STK17A: variants seen among roughly 807,000 people sequenced by gnomAD.
STK17A encodes serine/threonine kinase 17a.
Under a neutral mutation model 43.7 loss-of-function variants are expected in STK17A, and 26 were observed. The observed-to-expected ratio is 0.60, with a 90% CI of 0.44 to 0.83. STK17A has a LOEUF of 0.83. Ranked by LOEUF, STK17A falls within the 40% of genes least tolerant of loss-of-function variation. The pLI, the probability that STK17A is intolerant of heterozygous loss-of-function variation, is 0.00. For synonymous variants in STK17A, 191 were observed against 182.5 expected, an observed-to-expected ratio of 1.05 and a Z score of -0.38; for missense variants, 476 against 511.6, an observed-to-expected ratio of 0.93 and a Z score of 0.67.
intron 1 of STK17A, among the ~76,000 whole-genome samples, chr7:43,583,814 G>C (rs763586308): frequency 2.6e-5 from 4 of 152,230 alleles, no homozygotes; most frequent in Admixed American, 2.6e-4. Flanking sequence ...CCAGAGGTCT[G>C]TGGAGCCGAC....
rs771386237 is a variant in STK17A, at chr7:43,583,243, C to T, written c.-1C>T. 6.4e-7 allele frequency: 1 copy of T among 1,552,506 alleles called. No homozygotes were observed. The highest frequency in any genetic ancestry group is 8.7e-7 in the Non-Finnish European group (1 of 1,151,608). On this transcript the variant is annotated 5_prime_UTR_variant, in exon 1 of 7. Transcript: ENST00000319357. ...CCAGGAAAGAAGCGGGCCTGAACAC[C>T]ATGATCCCTTTGGAGAAGCCAGGCA... is the stretch of plus-strand genomic sequence containing the variant.
chr7:43,607,598 G>A (rs2082615205), intron 2 of STK17A, among the ~76,000 whole-genome samples: 1 of 133,286 alleles, frequency 7.5e-6, no homozygotes, highest in South Asian at 2.4e-4. Flanking sequence ...GCAGTGAGCT[G>A]AGATCACGCC....
At chr7:43,584,553 A>G (rs1454657290) in intron 1 of STK17A, among the ~76,000 whole-genome samples, 1 of 152,212 alleles carries the variant, frequency 6.6e-6, no homozygotes, top group African/African-American at 2.4e-5. Context: ...AAAGGGCCTG[A>G]CAGTTGGAAC....
chr7:43,584,356 G>A (rs1353917157), intron 1 of STK17A, among the ~76,000 whole-genome samples: 3 of 152,154 alleles, frequency 2.0e-5, no homozygotes, highest in Non-Finnish European at 4.4e-5. Flanking sequence ...GGAGGGGTTA[G>A]ACTCTCCAGC....
chr7:43,605,703 A>C (rs1286699217), intron 2 of STK17A, among the ~76,000 whole-genome samples: 1 of 151,602 alleles, frequency 6.6e-6, no homozygotes, highest in African/African-American at 2.4e-5. Flanking sequence ...CCTGTCCATA[A>C]ATTGTTACCA....
In STK17A at chr7:43,623,775, A is replaced by G. The variant is rs1252757238; in HGVS notation, c.807A>G (p.Gln269=). ...GISPFLGNDK[Q]ETFLNISQMN... is the part of the protein sequence containing the mutation. ...CACCTTTCTTAGGCAATGATAAACAAGAAACATTCTTAAACATCTCACAGA... is the reference window on the plus strand; with the variant it reads ...CACCTTTCTTAGGCAATGATAAACAGGAAACATTCTTAAACATCTCACAGA... The change falls in exon 6 of 7, where the codon CAA becomes CAG. Residue 269 remains glutamine, a synonymous_variant. Coordinates refer to ENST00000319357, the MANE Select transcript of STK17A (RefSeq NM_004760.3). 2 of 1,609,402 alleles carry G rather than the reference A, an allele frequency of 1.2e-6. No homozygotes were observed. Among genetic ancestry groups the G allele is most frequent in the Non-Finnish European group, 1.7e-6 (2 of 1,178,500 alleles).
intron 2 of STK17A, among the ~76,000 whole-genome samples, chr7:43,607,907 A>G (rs116858253): frequency 6.6e-6 from 1 of 152,206 alleles, no homozygotes; most frequent in African/African-American, 2.4e-5. Flanking sequence ...TGTACATTAC[A>G]TCGTGGTGCA....
intron 1 of STK17A, 22 bp downstream of exon 1, chr7:43,583,471 C>G: frequency 7.8e-7 from 1 of 1,278,330 alleles, no homozygotes; most frequent in African/African-American, 1.6e-5. Context: ...CGGGGCCCGG[C>G]GCGGAACCTT....
intron 3 of STK17A, among the ~76,000 whole-genome samples, chr7:43,612,576 T>C (rs978667043): frequency 6.6e-6 from 1 of 152,252 alleles, no homozygotes; most frequent in African/African-American, 2.4e-5. Context: ...TAATTTTGAA[T>C]TATTAGGCTA....
chr7:43,584,565 G>T (rs560426642), intron 1 of STK17A, among the ~76,000 whole-genome samples: 7 of 152,316 alleles, frequency 4.6e-5, no homozygotes, highest in Non-Finnish European at 8.8e-5. Context: ...AGTTGGAACA[G>T]CCTTCAGCTG....
rs2084581234 is a variant in STK17A at position 43,626,678 on chromosome 7, A to G, written c.*1836A>G. On this transcript the variant is annotated 3_prime_UTR_variant, in exon 7 of 7. Coordinates refer to ENST00000319357, the MANE Select transcript of STK17A (RefSeq NM_004760.3). ...AGGTGACCAGGAAAAAATAACCACT[A>G]TTGAATGACACGTTTGTACTTGATG... is the stretch of plus-strand genomic sequence containing the variant. 6.6e-6 allele frequency: 1 copy of G among 152,216 alleles called. No individual in the cohort carries two copies. Among genetic ancestry groups the G allele is most frequent in the Non-Finnish European group, 1.5e-5 (1 of 68,030 alleles). 9.4% of individuals were successfully genotyped at this position (152,216 alleles called of 1,614,324 possible).
At chr7:43,614,880 A>G (rs571723182) in intron 3 of STK17A, among the ~76,000 whole-genome samples, 1 of 152,350 alleles carries the variant, frequency 6.6e-6, no homozygotes, top group East Asian at 1.9e-4. Context: ...GTAACTAAAG[A>G]AAGCATTTCT....
chr7:43,587,232 G>C (rs2082449733), intron 1 of STK17A, among the ~76,000 whole-genome samples: 1 of 131,794 alleles, frequency 7.6e-6, no homozygotes, highest in South Asian at 2.5e-4. Flanking sequence ...TCAGCTCACC[G>C]CAAGACCCGC....
chr7:43,600,404 C>A (rs1007562162), intron 2 of STK17A, among the ~76,000 whole-genome samples: 1 of 151,440 alleles, frequency 6.6e-6, no homozygotes, highest in African/African-American at 2.4e-5. Context: ...GGATTTTGAT[C>A]TTTTGGGATT....
In STK17A at chr7:43,626,057, C is replaced by T. The variant is rs953398710; in HGVS notation, c.*1215C>T. On this transcript the variant is annotated 3_prime_UTR_variant, in exon 7 of 7. Coordinates refer to ENST00000319357, the MANE Select transcript of STK17A (RefSeq NM_004760.3). ...AATATGGAAATGTAAAAGTGTATGCCGAATACCTTAAAGTAACTAATTATC... is the reference window on the plus strand; with the variant it reads ...AATATGGAAATGTAAAAGTGTATGCTGAATACCTTAAAGTAACTAATTATC... 6.6e-6 allele frequency: 1 copy of T among 152,028 alleles called. No homozygotes were observed. The highest frequency in any genetic ancestry group is 1.9e-4 in the East Asian group (1 of 5,198). The allele number at this position is 152,028 out of a possible 1,614,324, so 9.4% of individuals were successfully genotyped here. A position where few individuals can be genotyped will look rare whatever the true frequency, so the allele number is the denominator to read the frequency against.
rs150728095 is a variant in STK17A, at chr7:43,619,779, G to A, written c.691+56G>A. On this transcript the variant is annotated intron_variant, in intron 4 of 6. Transcript: ENST00000319357. ...GGGTCAGGCATCACCTTCATTAGGG[G>A]ACTTGTCCATGTGGCATGACTCATA... The A allele has an allele frequency of 4.6e-4, 733 of 1,589,722 alleles. 1 individual carries two copies. Among genetic ancestry groups the A allele is most frequent in the Middle Eastern group, 3.0e-3 (18 of 5,902 alleles).
chr7:43,617,143 G>A (rs1037029413), intron 3 of STK17A, among the ~76,000 whole-genome samples: 4 of 150,488 alleles, frequency 2.7e-5, no homozygotes, highest in African/African-American at 7.5e-5. Flanking sequence ...TCATGGAGCC[G>A]GGGGATCATG....
intron 3 of STK17A, among the ~76,000 whole-genome samples, chr7:43,615,498 T>C (rs200806681): frequency 9.5e-6 from 1 of 105,476 alleles, no homozygotes; most frequent in Non-Finnish European, 2.5e-5. Flanking sequence ...CTATAGTATT[T>C]TATTAACATA....
At position 43,623,585 on chromosome 7, in the gene STK17A, T is replaced by C. The variant is rs2230753; in HGVS notation, c.705T>C (p.Leu235=). ...GTPEYVAPEI[L]SYDPISMATD... ...TTCTGATACTAGCTCCTGAAATTCT[T>C]AGTTATGATCCTATAAGCATGGCAA... is the stretch of plus-strand genomic sequence containing the variant. Residue 235 remains leucine, a synonymous_variant, in exon 5 of 7, where the codon CTT becomes CTC. Transcript: ENST00000319357. The C allele has an allele frequency of 5.8e-3, 9,407 of 1,609,418 alleles. 495 individuals carry two copies. In the African/African-American group the frequency reaches 0.11, roughly 19 times the overall value.
Sources: allele counts gnomAD v4.1 joint callset (sites outside exome capture counted in the v4.1 genomes callset), GRCh38; gene constraint gnomAD v4.1.1; transcripts MANE v1.5; gene names NCBI Gene and HGNC (gene_info 2026-07-23, HGNC 2026-07-21).